CCDC192: variants seen among roughly 807,000 people sequenced by gnomAD.
CCDC192 encodes the protein coiled-coil domain containing 192, also known as coiled-coil domain-containing protein 192.
chr5:127,914,171 T>G (rs1753452336), intron 6 of CCDC192, among the ~76,000 whole-genome samples: 1 of 152,190 alleles, frequency 6.6e-6, no homozygotes, highest in African/African-American at 2.4e-5. Flanking sequence ...TCACATTTTT[T>G]GGATGTGGAG....
chr5:127,892,392 C>A (rs533813786), intron 6 of CCDC192, among the ~76,000 whole-genome samples: 2 of 152,184 alleles, frequency 1.3e-5, no homozygotes, highest in Admixed American at 1.3e-4. Flanking sequence ...ACTAGCAGAA[C>A]AGAAAAATAC....
At chr5:127,939,018 C>T (rs553361754) in intron 6 of CCDC192, among the ~76,000 whole-genome samples, 27 of 151,340 alleles carry the variant, frequency 1.8e-4, no homozygotes, top group Non-Finnish European at 4.4e-5. Context: ...AAAGCACAGG[C>T]TTATCGCAGA....
chr5:127,895,947 G>A (rs775356209), intron 6 of CCDC192, among the ~76,000 whole-genome samples: 13 of 151,884 alleles, frequency 8.6e-5, no homozygotes, highest in African/African-American at 1.9e-4. Flanking sequence ...AATTGGTTTC[G>A]TATAATTTTT....
chr5:127,923,757 C>T (rs1753796590), intron 6 of CCDC192, among the ~76,000 whole-genome samples: 1 of 151,986 alleles, frequency 6.6e-6, no homozygotes, highest in South Asian at 2.1e-4. Context: ...GATGGACATA[C>T]ATGCACAAAA....
chr5:127,799,148 C>T (rs1757337111), intron 5 of CCDC192, among the ~76,000 whole-genome samples: 1 of 152,196 alleles, frequency 6.6e-6, no homozygotes, highest in Non-Finnish European at 1.5e-5. Flanking sequence ...CACCAGGCCC[C>T]TCAGACAGAC....
At chr5:127,929,964 G>A (rs1249938924) in intron 6 of CCDC192, among the ~76,000 whole-genome samples, 4 of 152,158 alleles carry the variant, frequency 2.6e-5, no homozygotes, top group African/African-American at 7.2e-5. Flanking sequence ...AACACTTTAG[G>A]AGGCCAAGGC....
intron 2 of CCDC192, among the ~76,000 whole-genome samples, chr5:127,718,192 T>C (rs1751750405): frequency 1.3e-5 from 2 of 152,282 alleles, no homozygotes; most frequent in East Asian, 1.9e-4. Context: ...AGTGCAAATG[T>C]ATAAGAAAAA....
At chr5:127,774,068 G>C (rs1755714722) in intron 3 of CCDC192, among the ~76,000 whole-genome samples, 1 of 152,118 alleles carries the variant, frequency 6.6e-6, no homozygotes, top group Non-Finnish European at 1.5e-5. Context: ...CTTCTTTAGA[G>C]AAATGTCTAC....
chr5:127,818,742 A>T (rs966727503), intron 5 of CCDC192, among the ~76,000 whole-genome samples: 2 of 152,154 alleles, frequency 1.3e-5, no homozygotes, highest in Non-Finnish European at 2.9e-5. Context: ...GGTGGGAGTG[A>T]TCTAGGCAGA....
In CCDC192 at chr5:127,887,847, G is replaced by A. The variant is rs1023298839; in HGVS notation, c.535+12186G>A. 5.9e-5 allele frequency among the ~76,000 whole-genome samples: 9 copies of A among 151,706 alleles called. No individual in the cohort carries two copies. In the East Asian group the frequency reaches 7.9e-4, roughly 13 times the overall value. Reference sequence around the variant, plus strand: ...GCCTCCCAAGTAGCTGGGACTACAGGCGCTCACCACCATGCCCGACTAATT... The same window carrying A: ...GCCTCCCAAGTAGCTGGGACTACAGACGCTCACCACCATGCCCGACTAATT... On this transcript the variant is annotated intron_variant, in intron 6 of 6. Coordinates refer to ENST00000514853, the MANE Select transcript of CCDC192 (RefSeq NM_001317938.2).
intron 5 of CCDC192, among the ~76,000 whole-genome samples, chr5:127,803,024 A>G (rs1361165911): frequency 6.6e-6 from 1 of 152,198 alleles, no homozygotes; most frequent in African/African-American, 2.4e-5. Context: ...AGAGAAAGAA[A>G]ACACAGTTGC....
intron 5 of CCDC192, among the ~76,000 whole-genome samples, chr5:127,862,398 G>C (rs373170390): frequency 1.3e-5 from 2 of 152,092 alleles, no homozygotes; most frequent in South Asian, 2.1e-4. Context: ...ATGCCCACAA[G>C]GACTCTCACA....
At chr5:127,856,449 G>C (rs957959256) in intron 5 of CCDC192, among the ~76,000 whole-genome samples, 2 of 152,176 alleles carry the variant, frequency 1.3e-5, no homozygotes, top group African/African-American at 4.8e-5. Context: ...ATCAGCAACA[G>C]GGTTGGTTTG....
chr5:127,937,000 G>A (rs190590150), intron 6 of CCDC192, among the ~76,000 whole-genome samples: 2 of 152,326 alleles, frequency 1.3e-5, no homozygotes, highest in Admixed American at 1.3e-4. Flanking sequence ...GTGGCCTTGG[G>A]CACTTTCCAA....
intron 6 of CCDC192, among the ~76,000 whole-genome samples, chr5:127,899,633 A>G (rs912092208): frequency 3.9e-5 from 6 of 151,912 alleles, no homozygotes; most frequent in Admixed American, 1.3e-4. Flanking sequence ...AAACCCAATC[A>G]CCCAGCAGTG....
At chr5:127,940,338 C>T (rs1241826951) in intron 6 of CCDC192, 1 of 152,200 alleles carries the variant, frequency 6.6e-6, no homozygotes. Context: ...TTTCCTGGAT[C>T]ACCTCAAATT....
At chr5:127,743,498 T>G (rs767594614) in intron 2 of CCDC192, among the ~76,000 whole-genome samples, 1 of 152,206 alleles carries the variant, frequency 6.6e-6, no homozygotes, top group Non-Finnish European at 1.5e-5. Context: ...CAAAGTCACA[T>G]GGTCACTTAG....
At chr5:127,882,891 T>G (rs1417401123) in intron 6 of CCDC192, among the ~76,000 whole-genome samples, 1 of 152,232 alleles carries the variant, frequency 6.6e-6, no homozygotes, top group Non-Finnish European at 1.5e-5. Context: ...TTCAAAGCTG[T>G]TATTCCCCAG....
intron 6 of CCDC192, among the ~76,000 whole-genome samples, chr5:127,931,393 G>A (rs2126309222): frequency 6.6e-6 from 1 of 152,312 alleles, no homozygotes; most frequent in Non-Finnish European, 1.5e-5. Flanking sequence ...GCTAATTAAA[G>A]CAGCGGGGCT....
Sources: gnomAD v4.1 joint callset for allele counts (sites outside exome capture counted in the v4.1 genomes callset) on GRCh38, gnomAD v4.1.1 for gene constraint, MANE v1.5 for transcripts, NCBI Gene and HGNC (gene_info 2026-07-23, HGNC 2026-07-21) for gene names.